Variants in IDS observed in about 807,000 individuals in gnomAD.
IDS encodes iduronate 2-sulfatase.
Under a neutral mutation model 33.5 loss-of-function variants are expected in IDS, and 1 was observed. The observed-to-expected ratio is 0.03, with a 90% CI of 0.01 to 0.14. IDS has a LOEUF of 0.14. Among genes scored for constraint, IDS ranks in the 10% least tolerant of loss-of-function variants. The pLI is 1.00. For synonymous variants in IDS, 191 were observed against 184.4 expected, an observed-to-expected ratio of 1.04 and a Z score of -0.29; for missense variants, 328 against 448.0, an observed-to-expected ratio of 0.73 and a Z score of 2.42.
At chrX:149,497,824 C>G (rs1282930136) in intron 5 of IDS, among the ~76,000 whole-genome samples, 1 of 112,402 alleles carries the variant, frequency 8.9e-6, no homozygotes, top group African/African-American at 3.2e-5. Flanking sequence ...CTGTGGTGAT[C>G]TCACCATCCA....
intron 3 of IDS, chrX:149,502,101 T>C: frequency 3.0e-6 from 1 of 330,600 alleles, no homozygotes; most frequent in Non-Finnish European, 5.9e-6. Context: ...GCTACTGTCA[T>C]CTTGAAGCAG....
chrX:149,498,588 C>G (rs373389460), intron 4 of IDS, among the ~76,000 whole-genome samples: 16 of 112,476 alleles, frequency 1.4e-4, no homozygotes, highest in African/African-American at 4.8e-4. Flanking sequence ...AAAAAAAAAT[C>G]CATCTCTAAT....
rs2089285755 is a variant in IDS, at chrX:149,479,769, C to A, written c.*2977G>T. The A allele has an allele frequency of 8.9e-6, 1 of 112,409 alleles. No individual in the cohort carries two copies. Among genetic ancestry groups the A allele is most frequent in the Non-Finnish European group, 1.9e-5 (1 of 53,712 alleles). 9.3% of individuals were successfully genotyped at this position (112,409 alleles called of 1,213,427 possible). ...CAGAACAATGCAAAAAATTCACACC[C>A]CCAAAAAAGACAAGATATTATATGG... On this transcript the variant is annotated 3_prime_UTR_variant, in exon 9 of 9. Transcript: ENST00000340855.
chrX:149,493,500 G>T (rs512739), intron 6 of IDS, among the ~76,000 whole-genome samples: 1,554 of 111,829 alleles, frequency 0.014, 33 homozygotes, highest in African/African-American at 0.048. Context: ...TGGAGGTCAG[G>T]TGAAGGAGTG....
At chrX:149,499,062 AT>A (rs1447286454) in intron 4 of IDS, among the ~76,000 whole-genome samples, 2 of 112,464 alleles carry the variant, frequency 1.8e-5, no homozygotes, top group African/African-American at 6.5e-5. Flanking sequence ...TTATGCAGCC[AT>A]AAAAAGGAAT....
In IDS at chrX:149,502,441, A is replaced by G. The variant is rs782192728; in HGVS notation, c.418+871T>C. Among the ~76,000 whole-genome samples, 4 of 112,505 alleles carry G rather than the reference A, an allele frequency of 3.6e-5. No individual in the cohort carries two copies. The South Asian group carries it at 1.5e-3, about 41-fold the overall frequency. ...CTGACACTGGACTTTTGGCTGTGCAATATGATTCCTGACAGGTTCACCTCT... is the reference window on the plus strand; with the variant it reads ...CTGACACTGGACTTTTGGCTGTGCAGTATGATTCCTGACAGGTTCACCTCT... On this transcript the variant is annotated intron_variant, in intron 3 of 8. Transcript: ENST00000340855.
At chrX:149,496,101 ACT>A (rs1238815035) in intron 6 of IDS, among the ~76,000 whole-genome samples, 2 of 111,806 alleles carry the variant, frequency 1.8e-5, no homozygotes, top group Non-Finnish European at 3.8e-5. Context: ...CAAGTCACCA[ACT>A]CTCTGGACAT....
At chrX:149,504,954 C>G (rs2089512640) in intron 1 of IDS, 81 bp downstream of exon 1, 1 of 737,484 alleles carries the variant, frequency 1.4e-6, no homozygotes, top group Non-Finnish European at 2.1e-6. Flanking sequence ...TGGATATAAA[C>G]AAAGAAGGAA....
intron 2 of IDS, 137 bp from the exon 3 acceptor site, chrX:149,503,626 C>T: frequency 1.8e-6 from 1 of 565,562 alleles, no homozygotes; most frequent in East Asian, 3.6e-5. Flanking sequence ...TCAAACCAGA[C>T]ACTGGGATTT....
intron 8 of IDS, among the ~76,000 whole-genome samples, chrX:149,485,182 G>C: frequency 8.9e-6 from 1 of 112,272 alleles, no homozygotes. Context: ...CTTTTACTCA[G>C]ATCAAGAAGG....
In IDS at chrX:149,477,376, G is replaced by C. The variant is rs2089272482; in HGVS notation, c.*5370C>G. On this transcript the variant is annotated 3_prime_UTR_variant, in exon 9 of 9. Coordinates refer to ENST00000340855, the MANE Select transcript of IDS (RefSeq NM_000202.8). Reference sequence around the variant, plus strand: ...AGCTTTTGTTCCTCATTGGCAGTGGGAGCCCTCTTGCCTGGGCCGTCACAT... The same window carrying C: ...AGCTTTTGTTCCTCATTGGCAGTGGCAGCCCTCTTGCCTGGGCCGTCACAT... 1 of 112,398 alleles carries C rather than the reference G, an allele frequency of 8.9e-6. No homozygotes were observed. Among genetic ancestry groups the C allele is most frequent in the Non-Finnish European group, 1.9e-5 (1 of 53,289 alleles). 9.3% of individuals were successfully genotyped at this position (112,398 alleles called of 1,213,427 possible). A position where few individuals can be genotyped will look rare whatever the true frequency, so the allele number is the denominator to read the frequency against.
In IDS at chrX:149,478,346, A is replaced by C. The variant is rs782807935; in HGVS notation, c.*4400T>G. ...CAGCAACATTATTGCAATGGCCAAA[A>C]GGTAGAAATGACCCAAGTGGTCACT... On this transcript the variant is annotated 3_prime_UTR_variant, in exon 9 of 9. Transcript: ENST00000340855. 8.9e-6 allele frequency: 1 copy of C among 112,556 alleles called. No individual in the cohort carries two copies. The highest frequency in any genetic ancestry group is 2.8e-4 in the East Asian group (1 of 3,574). The allele number at this position is 112,556 out of a possible 1,213,427, so 9.3% of individuals were successfully genotyped here. A position where few individuals can be genotyped will look rare whatever the true frequency, so the allele number is the denominator to read the frequency against.
intron 6 of IDS, among the ~76,000 whole-genome samples, chrX:149,493,538 G>C (rs949781551): frequency 1.8e-5 from 2 of 111,617 alleles, no homozygotes; most frequent in African/African-American, 6.5e-5. Context: ...GGGGCAAGGG[G>C]GCTGGCACTT....
At chrX:149,502,072 T>C (rs1569560511) in intron 3 of IDS, 1 of 328,737 alleles carries the variant, frequency 3.0e-6, no homozygotes. Context: ...AAACGGTACA[T>C]ACCTGGCACA....
chrX:149,489,446 G>C (rs2089370113), intron 7 of IDS, among the ~76,000 whole-genome samples: 1 of 112,522 alleles, frequency 8.9e-6, no homozygotes, highest in African/African-American at 3.2e-5. Flanking sequence ...TCATCTGTTA[G>C]CCCTGAGCAG....
At chrX:149,493,887 CT>C in intron 6 of IDS, among the ~76,000 whole-genome samples, 1 of 111,711 alleles carries the variant, frequency 9.0e-6, no homozygotes, top group East Asian at 2.8e-4. Context: ...GTCCGATCCC[CT>C]ACCTCTGGCT....
chrX:149,484,927 G>A (rs2089323856), intron 8 of IDS, among the ~76,000 whole-genome samples: 3 of 111,985 alleles, frequency 2.7e-5, no homozygotes, highest in African/African-American at 9.8e-5. Flanking sequence ...CTCTTCAACC[G>A]AGTGTTCAAA....
intron 1 of IDS, 101 bp from the exon 2 acceptor site, chrX:149,504,394 G>A (rs2089506484): frequency 2.2e-6 from 2 of 904,323 alleles, no homozygotes; most frequent in Admixed American, 2.7e-5. Context: ...GCTGGACCCT[G>A]CACCTTAACA....
rs180935362 is a variant in IDS, at chrX:149,505,276, C to T, written c.-139G>A. The T allele has an allele frequency of 8.8e-4, 291 of 332,075 alleles. No individual in the cohort carries two copies. Among genetic ancestry groups the T allele is most frequent in the African/African-American group, 6.9e-3 (253 of 36,785 alleles). 27.4% of individuals were successfully genotyped at this position (332,075 alleles called of 1,213,427 possible). On this transcript the variant is annotated 5_prime_UTR_variant, in exon 1 of 9. Transcript: ENST00000340855. ...GCGCAACACAGCCGCCGCCCGGGCC[C>T]GCAGGCCCGGGCGCTGGCCGCAGCG... is the stretch of plus-strand genomic sequence containing the variant.
Sources: allele counts gnomAD v4.1 joint callset (sites outside exome capture counted in the v4.1 genomes callset), GRCh38; gene constraint gnomAD v4.1.1; transcripts MANE v1.5; gene names NCBI Gene and HGNC (gene_info 2026-07-23, HGNC 2026-07-21).